KCP: variants seen among roughly 807,000 people sequenced by gnomAD.
KCP encodes kielin cysteine rich BMP regulator.
In KCP, 194 loss-of-function variants were observed where a neutral mutation model predicts 212.7. That is an observed-to-expected ratio of 0.91 (90% confidence interval 0.81 to 1.03). The LOEUF is 1.03. Ranked by LOEUF, KCP falls within the 50% of genes least tolerant of loss-of-function variation. The pLI, the probability that KCP is intolerant of heterozygous loss-of-function variation, is 0.00. For synonymous variants in KCP, 833 were observed against 865.3 expected (o/e 0.96, Z 0.65); for missense variants, 2,080 against 2,162.5 (o/e 0.96, Z 0.76).
chr7:128,907,206 C>T lies in KCP; in HGVS notation c.410-29G>A, dbSNP rs938985657. The T allele has an allele frequency of 7.8e-6, 12 of 1,546,284 alleles. No homozygotes were observed. In the African/African-American group the frequency reaches 1.2e-4, roughly 16 times the overall value. ...AGGAGACAGCAGTGTCACTCAAGCACCCCATGCCATCTGCAGGTCTTTAGG... is the reference window on the plus strand; with the variant it reads ...AGGAGACAGCAGTGTCACTCAAGCATCCCATGCCATCTGCAGGTCTTTAGG... On this transcript the variant is annotated intron_variant, in intron 3 of 39. Transcript: ENST00000610776.
chr7:128,905,366 A>G (rs985346936), intron 5 of KCP, among the ~76,000 whole-genome samples: 4 of 151,870 alleles, frequency 2.6e-5, no homozygotes, highest in African/African-American at 9.7e-5. Context: ...CAACACTATC[A>G]CCTTATGAGC....
intron 27 of KCP, 53 bp from the exon 28 acceptor site, chr7:128,884,916 C>A: frequency 1.3e-6 from 2 of 1,529,688 alleles, no homozygotes; most frequent in Non-Finnish European, 1.8e-6. Context: ...AGGCTGGCAG[C>A]GAGGCAGGGG....
Position 128,906,374 on chromosome 7 carries a change from A to C in KCP, c.487-11T>G. The C allele has an allele frequency of 6.5e-7, 1 of 1,536,694 alleles. No individual in the cohort carries two copies. The highest frequency in any genetic ancestry group is 8.8e-7 in the Non-Finnish European group (1 of 1,134,984). On this transcript the variant is annotated splice_polypyrimidine_tract_variant and intron_variant, in intron 4 of 39. Transcript: ENST00000610776. ...AGTGATGGTACCTTCCTGTGGGAGC[A>C]GACTGAGGTGGCTGCACAGACATCA...
rs1017623752 is a variant in KCP, at chr7:128,881,053, C to T, written c.3457G>A (p.Ala1153Thr). The part of the protein sequence containing the change: ...CVVEAEGRRV[A>T]DGESWRDPSN... ...GGGTCCCGCCAGCTCTCTCCATCTG[C>T]CACTCTCCGGCCCTCGGCCTCCACC... Residue 1153 changes from alanine (A) to threonine (T), a missense_variant, in exon 32 of 40, where the codon GCA becomes ACA. Coordinates refer to ENST00000610776, the MANE Select transcript of KCP (RefSeq NM_001366122.1). 4.0e-5 allele frequency: 16 copies of T among 398,828 alleles called. No individual in the cohort carries two copies. Among genetic ancestry groups the T allele is most frequent in the Non-Finnish European group, 5.7e-5 (13 of 226,308 alleles). 24.7% of individuals were successfully genotyped at this position (398,828 alleles called of 1,614,324 possible). A position where few individuals can be genotyped will look rare whatever the true frequency, so the allele number is the denominator to read the frequency against.
intron 23 of KCP, 67 bp from the exon 24 acceptor site, chr7:128,887,033 T>A: frequency 9.5e-7 from 1 of 1,056,002 alleles, no homozygotes; most frequent in Non-Finnish European, 1.4e-6. Context: ...GAGCCCCTAC[T>A]GAGCCTGCAG....
At chr7:128,882,676 A>G (rs544925919) in intron 29 of KCP, among the ~76,000 whole-genome samples, 36 of 152,340 alleles carry the variant, frequency 2.4e-4, no homozygotes, top group African/African-American at 7.0e-4. Flanking sequence ...ACTGCACAGC[A>G]TTATGAACGT....
intron 2 of KCP, among the ~76,000 whole-genome samples, chr7:128,908,215 GGAA>G (rs1185434200): frequency 1.6e-5 from 2 of 121,576 alleles, no homozygotes; most frequent in East Asian, 4.7e-4. Flanking sequence ...AAAAAAGAAA[GGAA>G]GGAGGGAAGG....
At chr7:128,893,089 C>A in intron 13 of KCP, 68 bp from the exon 14 acceptor site, 2 of 953,382 alleles carry the variant, frequency 2.1e-6, no homozygotes, top group Admixed American at 2.0e-5. Flanking sequence ...TCCCAGGACA[C>A]AGGGACCCCA....
At chr7:128,896,084 T>C (rs1411435268) in intron 8 of KCP, among the ~76,000 whole-genome samples, 1 of 152,128 alleles carries the variant, frequency 6.6e-6, no homozygotes, top group Non-Finnish European at 1.5e-5. Context: ...GGGATGATAG[T>C]GCGGAAACCC....
intron 1 of KCP, among the ~76,000 whole-genome samples, 172 bp downstream of exon 1, chr7:128,910,429 C>T (rs1020214060): frequency 6.6e-6 from 1 of 152,262 alleles, no homozygotes; most frequent in Non-Finnish European, 1.5e-5. Context: ...CGTGGTCTTC[C>T]CCACCCTGCT....
intron 8 of KCP, among the ~76,000 whole-genome samples, chr7:128,899,444 G>A (rs966218556): frequency 4.6e-5 from 7 of 152,152 alleles, no homozygotes; most frequent in African/African-American, 1.4e-4. Context: ...CAGAATAGAA[G>A]AAAAAACTTT....
chr7:128,888,034 TACACAC>T (rs567635972), intron 22 of KCP, among the ~76,000 whole-genome samples: 9 of 91,898 alleles, frequency 9.8e-5, no homozygotes, highest in South Asian at 3.5e-4. Context: ...CACACACACA[TACACAC>T]ACACACACAC....
intron 4 of KCP, 34 bp from the exon 5 acceptor site, chr7:128,906,397 T>G (rs779557137): frequency 1.7e-5 from 24 of 1,444,554 alleles, no homozygotes; most frequent in Non-Finnish European, 3.8e-6. Flanking sequence ...TGCACAGACA[T>G]CAGATTCCTG....
At position 128,877,767 on chromosome 7, in the gene KCP, G is replaced by C. The variant is rs1156755859; in HGVS notation, c.4335C>G (p.Gly1445=). The part of the protein sequence containing the change: ...SWQVSEGLWP[G]RPCSAGREVD... ...CCTCTCGGCCTGCAGAACAGGGCCG[G>C]CCAGGCCACAGCCCCTCTGAGACCT... is the stretch of plus-strand genomic sequence containing the variant. Residue 1445 remains glycine (G), a synonymous_variant, in exon 39 of 40, where the codon GGC becomes GGG. Coordinates refer to ENST00000610776, the MANE Select transcript of KCP (RefSeq NM_001366122.1). 1 of 1,549,672 alleles carries C rather than the reference G, an allele frequency of 6.5e-7. No homozygotes were observed. Among genetic ancestry groups the C allele is most frequent in the African/African-American group, 1.4e-5 (1 of 73,162 alleles).
chr7:128,901,487 G>C (rs1026255409), intron 8 of KCP, among the ~76,000 whole-genome samples: 1 of 152,104 alleles, frequency 6.6e-6, no homozygotes, highest in South Asian at 2.1e-4. Flanking sequence ...TTAGCCAGGC[G>C]TGTTGGCGGG....
At chr7:128,887,665 A>G (rs1793751204) in intron 22 of KCP, among the ~76,000 whole-genome samples, 1 of 148,500 alleles carries the variant, frequency 6.7e-6, no homozygotes, top group Non-Finnish European at 1.5e-5. Context: ...CCACATATAC[A>G]TACAGCCACA....
chr7:128,882,888 A>G (rs562826020), intron 29 of KCP, among the ~76,000 whole-genome samples: 1 of 152,134 alleles, frequency 6.6e-6, no homozygotes, highest in Non-Finnish European at 1.5e-5. Context: ...CCTGGCCAAC[A>G]TGTTAAAACC....
rs1426205972 is a variant in KCP, at chr7:128,877,229, G to A, written c.4701C>T (p.Ile1567=). 2 of 1,482,384 alleles carry A rather than the reference G, an allele frequency of 1.3e-6. No individual in the cohort carries two copies. Among genetic ancestry groups the A allele is most frequent in the Non-Finnish European group, 9.0e-7 (1 of 1,116,944 alleles). The allele number at this position is 1,482,384 out of a possible 1,614,324, so 91.8% of individuals were successfully genotyped here. A position where few individuals can be genotyped will look rare whatever the true frequency, so the allele number is the denominator to read the frequency against. The change falls in exon 40 of 40, where the codon ATC becomes ATT. Residue 1567 remains isoleucine (I), a synonymous_variant. Transcript: ENST00000610776. ...PCPRTCFNQH[I]PLGELAAHCV... ...AGTGGGCTGCCAGCTCCCCCAGGGGGATATGCTGATTGAAGCAGGTGCGGG... is the reference window on the plus strand; with the variant it reads ...AGTGGGCTGCCAGCTCCCCCAGGGGAATATGCTGATTGAAGCAGGTGCGGG...
intron 37 of KCP, chr7:128,879,231 A>G (rs1793170826): frequency 4.3e-6 from 2 of 460,454 alleles, no homozygotes; most frequent in South Asian, 6.4e-5. Flanking sequence ...ACTGCCACTG[A>G]CCCTTCCCAT....
Sources: allele counts gnomAD v4.1 joint callset (sites outside exome capture counted in the v4.1 genomes callset), GRCh38; gene constraint gnomAD v4.1.1; transcripts MANE v1.5; gene names NCBI Gene and HGNC (gene_info 2026-07-23, HGNC 2026-07-21).